ATP6V0A4: variants seen among roughly 807,000 people sequenced by gnomAD.
ATP6V0A4 encodes ATPase H+ transporting V0 subunit a4, also known as V-type proton ATPase 116 kDa subunit a 4.
Under a neutral mutation model 107.3 loss-of-function variants are expected in ATP6V0A4, and 86 were observed. That is an observed-to-expected ratio of 0.80 (90% CI 0.67 to 0.96). The LOEUF (loss-of-function observed/expected upper bound fraction) is 0.96, where lower values mean the gene tolerates loss of function less well. Ranked by LOEUF, ATP6V0A4 falls within the 40% of genes least tolerant of loss-of-function variation. The probability of loss-of-function intolerance (pLI) is 0.00; values close to 1 mark genes in which losing one functional copy is unlikely to be tolerated. For synonymous variants in ATP6V0A4, 353 were observed against 381.4 expected, an observed-to-expected ratio of 0.93 and a Z score of 0.87; for missense variants, 908 against 1,045.6, an observed-to-expected ratio of 0.87 and a Z score of 1.81.
chr7:138,753,321 C>T (rs542842266), intron 10 of ATP6V0A4, among the ~76,000 whole-genome samples: 6 of 152,200 alleles, frequency 3.9e-5, no homozygotes, highest in African/African-American at 7.2e-5. Context: ...ATGCGGAGGA[C>T]GGCCCGCAGC....
Position 138,734,131 on chromosome 7 carries a change from C to A in ATP6V0A4, c.1691+5G>T. ...AGCAGGCAGAGAGTGCATCAAGAAA[C>A]TTACATGTGATTGAAAAGGCTGAGG... On this transcript the variant is annotated splice_donor_5th_base_variant and intron_variant, in intron 16 of 21. Coordinates refer to ENST00000310018, the MANE Select transcript of ATP6V0A4 (RefSeq NM_020632.3). The A allele has an allele frequency of 6.2e-7, 1 of 1,608,672 alleles. No individual in the cohort carries two copies. Among genetic ancestry groups the A allele is most frequent in the Non-Finnish European group, 8.5e-7 (1 of 1,175,252 alleles).
At chr7:138,714,111 T>A (rs978279137) in intron 20 of ATP6V0A4, among the ~76,000 whole-genome samples, 1 of 145,496 alleles carries the variant, frequency 6.9e-6, no homozygotes, top group African/African-American at 2.5e-5. Flanking sequence ...CCAGGCATGG[T>A]GGCATGCACC....
chr7:138,725,274 C>A (rs1233746997), intron 18 of ATP6V0A4, among the ~76,000 whole-genome samples: 1 of 152,092 alleles, frequency 6.6e-6, no homozygotes, highest in East Asian at 1.9e-4. Context: ...AAAATACATA[C>A]ATAAAATAAA....
At chr7:138,763,805 T>G (rs1563009080) in intron 5 of ATP6V0A4, among the ~76,000 whole-genome samples, 1 of 151,606 alleles carries the variant, frequency 6.6e-6, no homozygotes, top group Non-Finnish European at 1.5e-5. Flanking sequence ...GCCAACATGG[T>G]GAAACCCTGT....
intron 2 of ATP6V0A4, among the ~76,000 whole-genome samples, chr7:138,784,214 TTATATATATATATATATATACGTATATA>T (rs1449978365): frequency 1.2e-5 from 1 of 83,560 alleles, no homozygotes; most frequent in Non-Finnish European, 2.3e-5. Context: ...TCCTTAAACA[TTATATATATATATATATATACGTATATA>T]TATATATATA....
intron 1 of ATP6V0A4, among the ~76,000 whole-genome samples, chr7:138,791,163 C>G (rs1039294150): frequency 6.6e-5 from 10 of 151,672 alleles, no homozygotes; most frequent in African/African-American, 2.4e-4. Context: ...TAAAAAAGAA[C>G]AGAATGGAAA....
In ATP6V0A4 at chr7:138,772,528, A is replaced by G. The variant is rs74964919; in HGVS notation, c.-17-1264T>C. Among the ~76,000 whole-genome samples the G allele has an allele frequency of 8.4e-4, 128 of 152,330 alleles. 1 individual carries two copies. The East Asian group carries it at 0.02, about 24-fold the overall frequency. ...CAAGACACAGTTCCACCATACAGTC[A>G]TAAGTGTGTATTGACACTGCTGATT... On this transcript the variant is annotated intron_variant, in intron 2 of 21. Transcript: ENST00000310018.
chr7:138,721,864 G>A, intron 19 of ATP6V0A4, 33 bp downstream of exon 19: 1 of 1,612,214 alleles, frequency 6.2e-7, no homozygotes, highest in Non-Finnish European at 8.5e-7. Flanking sequence ...TACAAACTGG[G>A]GAGTCTTCCT....
intron 2 of ATP6V0A4, among the ~76,000 whole-genome samples, chr7:138,776,109 G>A (rs1807647194): frequency 6.6e-6 from 1 of 152,140 alleles, no homozygotes; most frequent in South Asian, 2.1e-4. Flanking sequence ...CACCATGCCT[G>A]GCCAAGACTT....
At chr7:138,729,021 C>A in intron 17 of ATP6V0A4, 159 bp from the exon 18 acceptor site, 1 of 893,394 alleles carries the variant, frequency 1.1e-6, no homozygotes, top group Non-Finnish European at 1.3e-6. Context: ...TGGAATATTC[C>A]CCTTGCAGAT....
intron 5 of ATP6V0A4, among the ~76,000 whole-genome samples, chr7:138,767,471 C>T (rs992371496): frequency 1.3e-5 from 2 of 151,588 alleles, no homozygotes; most frequent in African/African-American, 2.4e-5. Flanking sequence ...TGCAGTGAGC[C>T]GAGATCACAC....
chr7:138,787,275 T>C (rs560516086), intron 1 of ATP6V0A4, among the ~76,000 whole-genome samples: 154 of 152,314 alleles, frequency 1.0e-3, no homozygotes, highest in African/African-American at 3.6e-3. Context: ...TGCAGAGTCC[T>C]GCGGACCCCA....
chr7:138,736,716 C>T (rs1476388295), intron 15 of ATP6V0A4, among the ~76,000 whole-genome samples: 1 of 151,974 alleles, frequency 6.6e-6, no homozygotes, highest in Non-Finnish European at 1.5e-5. Context: ...GGATTACAGG[C>T]ACCCACCACT....
At chr7:138,752,573 C>G in intron 11 of ATP6V0A4, 52 bp downstream of exon 11, 1 of 1,605,600 alleles carries the variant, frequency 6.2e-7, no homozygotes, top group East Asian at 2.2e-5. Context: ...CTCTGAGAGC[C>G]CAGCAGAGGG....
rs113153612 is a variant in ATP6V0A4 at position 138,716,581 on chromosome 7, G to C, written c.2140-700C>G. 1.8e-3 allele frequency among the ~76,000 whole-genome samples: 274 copies of C among 149,644 alleles called. 2 individuals are homozygous for C. Among genetic ancestry groups the C allele is most frequent in the South Asian group, 0.011 (51 of 4,718 alleles). On this transcript the variant is annotated intron_variant, in intron 19 of 21. Transcript: ENST00000310018. ...GTGACAGACAATTTTTTTTTGGGGG[G>C]GGGGGAGGGTCTTGCTCTGTCACTC... is the stretch of plus-strand genomic sequence containing the variant.
At chr7:138,717,260 G>T (rs1337459324) in intron 19 of ATP6V0A4, among the ~76,000 whole-genome samples, 1 of 152,182 alleles carries the variant, frequency 6.6e-6, no homozygotes, top group African/African-American at 2.4e-5. Flanking sequence ...ATCAACAAGG[G>T]AAAGATCAAG....
Position 138,733,593 on chromosome 7 carries a change from T to C in ATP6V0A4, c.1692-500A>G, listed in dbSNP as rs1584908583. On this transcript the variant is annotated intron_variant, in intron 16 of 21. Transcript: ENST00000310018. ...TTCTCTTTTTTTTTTTTTTTTTTTT[T>C]TTTGAGATGGAGTCTTACTCTGTCA... Among the ~76,000 whole-genome samples, 3 of 95,396 alleles carry C rather than the reference T, an allele frequency of 3.1e-5. No homozygotes were observed. In the South Asian group the frequency reaches 1.2e-3, roughly 39 times the overall value. 62.6% of individuals were successfully genotyped at this position (95,396 alleles called of 152,430 possible).
At chr7:138,778,381 A>G (rs1315673980) in intron 2 of ATP6V0A4, among the ~76,000 whole-genome samples, 1 of 151,876 alleles carries the variant, frequency 6.6e-6, no homozygotes, top group African/African-American at 2.4e-5. Context: ...AAAATCATGC[A>G]TGACTTTTGT....
Position 138,721,948 on chromosome 7 carries a change from G to T in ATP6V0A4, c.2088C>A (p.Gly696=). ...GDSSSPSSRS[G]QRTSADTHGA... Reference sequence around the variant, plus strand: ...CGTGGGTATCTGCAGAAGTCCTCTGGCCAGAACGGCTAGAAGGGCTGGAGC... The same window carrying T: ...CGTGGGTATCTGCAGAAGTCCTCTGTCCAGAACGGCTAGAAGGGCTGGAGC... The change falls in exon 19 of 22, where the codon GGC becomes GGA. Residue 696 remains glycine (G), a synonymous_variant. Transcript: ENST00000310018. 1 of 1,614,090 alleles carries T rather than the reference G, an allele frequency of 6.2e-7. No individual in the cohort carries two copies. The highest frequency in any genetic ancestry group is 1.1e-5 in the South Asian group (1 of 91,074).
Sources: allele counts gnomAD v4.1 joint callset (sites outside exome capture counted in the v4.1 genomes callset), GRCh38; gene constraint gnomAD v4.1.1; transcripts MANE v1.5; gene names NCBI Gene and HGNC (gene_info 2026-07-23, HGNC 2026-07-21).